Variants in WDR64 observed in about 807,000 individuals in gnomAD.
WDR64 encodes the protein WD repeat-containing protein 64.
WDR64 carries 112 observed loss-of-function variants against 139.3 expected under a neutral mutation model. That is an observed-to-expected ratio of 0.80 (90% CI 0.69 to 0.94). The LOEUF is 0.94. Among genes scored for constraint, WDR64 ranks in the 40% least tolerant of loss-of-function variants. The pLI is 0.00. For missense variants in WDR64, 1,206 were observed against 1,293.1 expected, an observed-to-expected ratio of 0.93 and a Z score of 1.03; for synonymous variants, 444 against 437.7, an observed-to-expected ratio of 1.01 and a Z score of -0.18.
At chr1:241,654,919 C>T (rs1304971787) in intron 1 of WDR64, among the ~76,000 whole-genome samples, 2 of 151,924 alleles carry the variant, frequency 1.3e-5, no homozygotes, top group African/African-American at 2.4e-5. Context: ...TGTCCTATTC[C>T]CAAGATATCT....
At chr1:241,769,276 T>C in intron 16 of WDR64, 128 bp from the exon 17 acceptor site, 1 of 722,344 alleles carries the variant, frequency 1.4e-6, no homozygotes, top group Non-Finnish European at 2.2e-6. Context: ...TTCCTTGCAT[T>C]TTCTTTTCAT....
At chr1:241,764,945 G>A (rs1163035219) in intron 15 of WDR64, among the ~76,000 whole-genome samples, 1 of 152,102 alleles carries the variant, frequency 6.6e-6, no homozygotes, top group Non-Finnish European at 1.5e-5. Flanking sequence ...CAGAACTTTG[G>A]GAGGCTGAAG....
Position 241,660,575 on chromosome 1 carries a change from T to C in WDR64, c.191T>C (p.Phe64Ser), listed in dbSNP as rs377138338. The change falls in exon 2 of 28, where the codon TTT becomes TCT. Residue 64 changes from phenylalanine to serine, a missense_variant. Transcript: ENST00000437684. Reference sequence around the variant, plus strand: ...TTTTATGCATCGGTACAGAAGCTCTTTGGTCCAGATGTGAAGAATCAAGAT... The same window carrying C: ...TTTTATGCATCGGTACAGAAGCTCTCTGGTCCAGATGTGAAGAATCAAGAT... ...DKFYASVQKL[F>S]GPDVKNQDVK... 2.4e-5 allele frequency: 38 copies of C among 1,551,704 alleles called. No individual in the cohort carries two copies. The African/African-American group carries it at 4.5e-4, about 18-fold the overall frequency.
At chr1:241,688,330 T>C (rs1035742350) in intron 8 of WDR64, among the ~76,000 whole-genome samples, 5 of 152,094 alleles carry the variant, frequency 3.3e-5, no homozygotes, top group Non-Finnish European at 7.4e-5. Flanking sequence ...GTGATGAAAA[T>C]GTTCTAAACT....
intron 9 of WDR64, among the ~76,000 whole-genome samples, chr1:241,719,112 G>C (rs1258762021): frequency 2.0e-5 from 3 of 152,100 alleles, no homozygotes; most frequent in Non-Finnish European, 4.4e-5. Context: ...CAAGAAGTGA[G>C]AGCCTCTGAA....
intron 8 of WDR64, among the ~76,000 whole-genome samples, chr1:241,699,421 C>A (rs1667619714): frequency 6.6e-6 from 1 of 152,086 alleles, no homozygotes; most frequent in South Asian, 2.1e-4. Context: ...GTACTAGGTG[C>A]TAGGAATTTA....
chr1:241,670,770 G>A (rs1379986197), intron 2 of WDR64, among the ~76,000 whole-genome samples: 1 of 152,146 alleles, frequency 6.6e-6, no homozygotes, highest in East Asian at 1.9e-4. Flanking sequence ...AAGGGATCTA[G>A]ATTGCATGCT....
chr1:241,673,463 T>C (rs188966126), intron 3 of WDR64, among the ~76,000 whole-genome samples: 1 of 152,296 alleles, frequency 6.6e-6, no homozygotes, highest in Non-Finnish European at 1.5e-5. Flanking sequence ...CTTTTTAGAC[T>C]TTCTGTTCCT....
In WDR64 at chr1:241,677,391, C is replaced by G. The variant is rs1009045704; in HGVS notation, c.484-796C>G. ...TTGAACTCTTCAGATGAAAGACAGT[C>G]TGTGGGTAGCCATGACTAACAGCTT... On this transcript the variant is annotated intron_variant, in intron 4 of 27. Coordinates refer to ENST00000437684, the MANE Select transcript of WDR64 (RefSeq NM_001367482.1). The G allele has an allele frequency of 5.8e-5, 23 of 398,430 alleles. 1 individual carries two copies. In the South Asian group the frequency reaches 1.8e-3, roughly 31 times the overall value. 24.7% of individuals were successfully genotyped at this position (398,430 alleles called of 1,614,324 possible).
chr1:241,796,819 C>T (rs1659382257), intron 27 of WDR64, among the ~76,000 whole-genome samples: 1 of 152,092 alleles, frequency 6.6e-6, no homozygotes, highest in Non-Finnish European at 1.5e-5. Flanking sequence ...TATGAATATT[C>T]CAGATGTGTG....
At chr1:241,653,543 C>CCT (rs1665449425) in intron 1 of WDR64, among the ~76,000 whole-genome samples, 1 of 137,120 alleles carries the variant, frequency 7.3e-6, no homozygotes, top group Non-Finnish European at 1.6e-5. Flanking sequence ...CTTTTCTTTT[C>CCT]TTTTTTTTTT....
intron 16 of WDR64, among the ~76,000 whole-genome samples, chr1:241,769,118 A>T (rs1448162219): frequency 1.3e-5 from 2 of 152,100 alleles, no homozygotes; most frequent in Non-Finnish European, 2.9e-5. Context: ...AAAATAAAAT[A>T]GAGTTTTTTC....
intron 14 of WDR64, among the ~76,000 whole-genome samples, chr1:241,752,005 T>C (rs1669998176): frequency 6.6e-6 from 1 of 152,002 alleles, no homozygotes; most frequent in South Asian, 2.1e-4. Context: ...ACTATGGGGG[T>C]TCCAGGAAGA....
chr1:241,661,963 T>G (rs1157885531), intron 2 of WDR64, among the ~76,000 whole-genome samples: 2 of 152,344 alleles, frequency 1.3e-5, no homozygotes, highest in East Asian at 3.9e-4. Flanking sequence ...CTGAATGGCC[T>G]GCAGGCCTAA....
At chr1:241,691,747 C>T (rs188668920) in intron 8 of WDR64, among the ~76,000 whole-genome samples, 1 of 152,320 alleles carries the variant, frequency 6.6e-6, no homozygotes, top group African/African-American at 2.4e-5. Flanking sequence ...GGCACAGTGG[C>T]TCATGCCTGT....
chr1:241,795,309 T>C (rs1337287343), intron 26 of WDR64, 22 bp downstream of exon 26: 6 of 1,600,652 alleles, frequency 3.7e-6, no homozygotes, highest in Non-Finnish European at 5.1e-6. Context: ...TTTCTAGGAG[T>C]AGAGGGGTCA....
At chr1:241,662,409 C>T (rs1665866014) in intron 2 of WDR64, among the ~76,000 whole-genome samples, 1 of 152,148 alleles carries the variant, frequency 6.6e-6, no homozygotes, top group Non-Finnish European at 1.5e-5. Context: ...GTCTCAAGGC[C>T]TCAGCTTCTT....
In WDR64 at chr1:241,777,380, G is replaced by A. The variant is rs557755937; in HGVS notation, c.2536+2170G>A. ...AAGTTTCCATGTGAGCAATGCTCTC[G>A]CTGCATACCACAAATTTTGATAAGT... On this transcript the variant is annotated intron_variant, in intron 21 of 27. Transcript: ENST00000437684. Among the ~76,000 whole-genome samples, 6 of 151,450 alleles carry A rather than the reference G, an allele frequency of 4.0e-5. No individual in the cohort carries two copies. The South Asian group carries it at 1.3e-3, about 32-fold the overall frequency.
At chr1:241,674,983 TCCTC>T (rs1178398206) in intron 4 of WDR64, among the ~76,000 whole-genome samples, 1 of 40,164 alleles carries the variant, frequency 2.5e-5, no homozygotes, top group African/African-American at 6.8e-5. Context: ...TTTCCTTCTT[TCCTC>T]CCTTTCTCCC....
Sources: gnomAD v4.1 joint callset for allele counts (sites outside exome capture counted in the v4.1 genomes callset) on GRCh38, gnomAD v4.1.1 for gene constraint, MANE v1.5 for transcripts, NCBI Gene and HGNC (gene_info 2026-07-23, HGNC 2026-07-21) for gene names.